PRKCH: variants seen among roughly 807,000 people sequenced by gnomAD.
PRKCH encodes the protein protein kinase C eta.
PRKCH carries 28 observed loss-of-function variants against 82.5 expected under a neutral mutation model. The ratio of observed to expected loss-of-function variants is 0.34; its 90% CI spans 0.25 to 0.47. PRKCH has a LOEUF of 0.47. PRKCH is among the 20% of genes least tolerant of loss of function. The pLI is 1.00. For synonymous variants in PRKCH, 322 were observed against 327.4 expected, an observed-to-expected ratio of 0.98 and a Z score of 0.18; for missense variants, 705 against 881.8, an observed-to-expected ratio of 0.80 and a Z score of 2.54.
intron 10 of PRKCH, among the ~76,000 whole-genome samples, chr14:61,520,755 G>A (rs866445099): frequency 9.9e-5 from 15 of 152,192 alleles, no homozygotes; most frequent in Admixed American, 2.6e-4. Flanking sequence ...GAACAAGGAA[G>A]CCAAAACATT....
intron 13 of PRKCH, 26 bp downstream of exon 13, chr14:61,547,912 A>T: frequency 6.2e-7 from 1 of 1,607,446 alleles, no homozygotes; most frequent in Non-Finnish European, 8.5e-7. Flanking sequence ...TGTCACAGAG[A>T]CATTCCTTTC....
chr14:61,547,733 TCTCA>T lies in PRKCH; in HGVS notation c.1762-5_1762-2del, dbSNP rs1566938921. On this transcript the variant is annotated splice_region_variant and splice_polypyrimidine_tract_variant and intron_variant, in intron 12 of 13. Transcript: ENST00000332981. ...ATGAATGATTGACACTTTCTCTCTCTCTCACTCAGTTCATGACCAAGAACCCCAC... is the reference window on the plus strand; with the variant it reads ...ATGAATGATTGACACTTTCTCTCTCTCTCAGTTCATGACCAAGAACCCCAC... 2 of 1,611,422 alleles carry T rather than the reference TCTCA, an allele frequency of 1.2e-6. No individual in the cohort carries two copies. Among genetic ancestry groups the T allele is most frequent in the Non-Finnish European group, 8.5e-7 (1 of 1,178,394 alleles).
intron 10 of PRKCH, among the ~76,000 whole-genome samples, chr14:61,506,702 C>T (rs1887165957): frequency 6.6e-6 from 1 of 152,152 alleles, no homozygotes; most frequent in South Asian, 2.1e-4. Flanking sequence ...CTGATCTTCC[C>T]TATGGTCACT....
chr14:61,236,851 G>A (rs556635737), intron 1 of PRKCH, among the ~76,000 whole-genome samples: 4 of 152,028 alleles, frequency 2.6e-5, no homozygotes, highest in Admixed American at 6.5e-5. Context: ...TCATGGCAAC[G>A]TCAGGAAGTT....
chr14:61,487,398 G>A (rs1278820901), intron 10 of PRKCH, among the ~76,000 whole-genome samples: 1 of 152,128 alleles, frequency 6.6e-6, no homozygotes, highest in African/African-American at 2.4e-5. Context: ...CCAGGCTGTG[G>A]GGATTAGATC....
intron 1 of PRKCH, among the ~76,000 whole-genome samples, chr14:61,374,867 G>A (rs774007551): frequency 6.6e-6 from 1 of 152,086 alleles, no homozygotes; most frequent in Non-Finnish European, 1.5e-5. Context: ...TTGGCTCCTT[G>A]TTGCTGATGC....
chr14:61,408,955 C>T (rs1455124787), intron 2 of PRKCH, among the ~76,000 whole-genome samples: 1 of 152,122 alleles, frequency 6.6e-6, no homozygotes, highest in Non-Finnish European at 1.5e-5. Flanking sequence ...AGGGCAAGGT[C>T]GGGAAGGTGT....
chr14:61,291,432 C>T (rs968065067), intron 1 of PRKCH, among the ~76,000 whole-genome samples: 9 of 148,036 alleles, frequency 6.1e-5, no homozygotes, highest in Non-Finnish European at 1.5e-5. Flanking sequence ...CGGGTTCAAG[C>T]AATTCTCCTG....
intron 1 of PRKCH, among the ~76,000 whole-genome samples, chr14:61,195,794 GGA>G (rs970927125): frequency 6.6e-6 from 1 of 151,758 alleles, no homozygotes; most frequent in African/African-American, 2.4e-5. Flanking sequence ...TGGACATGGA[GGA>G]GAGAGAGAGA....
intron 1 of PRKCH, among the ~76,000 whole-genome samples, chr14:61,290,890 T>A (rs1367597913): frequency 1.3e-5 from 2 of 152,170 alleles, no homozygotes; most frequent in Non-Finnish European, 2.9e-5. Flanking sequence ...GAGCCATATG[T>A]TTTAATAAGC....
At chr14:61,339,819 T>C (rs1279126955) in intron 1 of PRKCH, among the ~76,000 whole-genome samples, 3 of 151,006 alleles carry the variant, frequency 2.0e-5, no homozygotes, top group Admixed American at 2.0e-4. Context: ...CAGCTGGGAT[T>C]ACAGGCATGC....
At chr14:61,201,201 T>G (rs144555538) in intron 1 of PRKCH, among the ~76,000 whole-genome samples, 1 of 152,344 alleles carries the variant, frequency 6.6e-6, no homozygotes, top group East Asian at 1.9e-4. Flanking sequence ...GAACACTTAT[T>G]GACATTTTAC....
chr14:61,344,771 T>A (rs1294019197), intron 1 of PRKCH, among the ~76,000 whole-genome samples: 2 of 152,058 alleles, frequency 1.3e-5, no homozygotes, highest in Non-Finnish European at 2.9e-5. Context: ...TTTCTAGAAG[T>A]TCCTCCCGCC....
At chr14:61,391,365 A>G in intron 2 of PRKCH, 77 bp downstream of exon 2, 1 of 1,264,374 alleles carries the variant, frequency 7.9e-7, no homozygotes, top group Non-Finnish European at 1.1e-6. Context: ...TATCATGGAC[A>G]TTATAAAAAA....
chr14:61,458,226 G>T (rs1249096219), intron 9 of PRKCH, among the ~76,000 whole-genome samples: 1 of 152,222 alleles, frequency 6.6e-6, no homozygotes, highest in Non-Finnish European at 1.5e-5. Flanking sequence ...CCCTGTAATG[G>T]CGTGCGTTTA....
intron 12 of PRKCH, chr14:61,543,300 G>C (rs889510467): frequency 2.0e-5 from 3 of 152,198 alleles, no homozygotes; most frequent in Non-Finnish European, 4.4e-5. Flanking sequence ...ACTGTTAAGT[G>C]TCTCATTCTC....
intron 1 of PRKCH, chr14:61,279,621 C>T (rs1183476691): frequency 3.1e-4 from 48 of 154,660 alleles, no homozygotes; most frequent in Non-Finnish European, 3.9e-4. Flanking sequence ...TTGTGGGCCT[C>T]ACTCTCCATT....
chr14:61,453,592 C>G (rs1466309569), intron 7 of PRKCH, among the ~76,000 whole-genome samples: 1 of 143,734 alleles, frequency 7.0e-6, no homozygotes, highest in East Asian at 2.0e-4. Context: ...TCTCTCTCTC[C>G]TCTCCTTTCC....
intron 1 of PRKCH, among the ~76,000 whole-genome samples, chr14:61,231,948 G>A (rs1319106794): frequency 6.6e-6 from 1 of 152,086 alleles, no homozygotes; most frequent in Admixed American, 6.5e-5. Flanking sequence ...AGCAACAGAC[G>A]CCAGCTGGAT....
Sources: allele counts gnomAD v4.1 joint callset (sites outside exome capture counted in the v4.1 genomes callset), GRCh38; gene constraint gnomAD v4.1.1; transcripts MANE v1.5; gene names NCBI Gene and HGNC (gene_info 2026-07-23, HGNC 2026-07-21).